The following PRKG2 variants were observed in gnomAD, a reference collection of about 807,000 sequenced individuals.
The protein encoded by PRKG2 is protein kinase cGMP-dependent 2.
PRKG2 carries 33 observed loss-of-function variants against 97.2 expected under a neutral mutation model. The observed-to-expected ratio is 0.34, with a 90% CI of 0.26 to 0.45. PRKG2 has a LOEUF of 0.45. PRKG2 is among the 20% of genes least tolerant of loss of function. The pLI, the probability that PRKG2 is intolerant of heterozygous loss-of-function variation, is 1.00. For synonymous variants in PRKG2, 330 were observed against 321.8 expected, an observed-to-expected ratio of 1.03 and a Z score of -0.27; for missense variants, 638 against 900.0, an observed-to-expected ratio of 0.71 and a Z score of 3.73.
rs1753536974 is a variant in PRKG2 at position 81,204,711 on chromosome 4, C to A, written c.337G>T (p.Val113Phe). The change falls in exon 2 of 19, where the codon GTC becomes TTC. Residue 113 changes from valine to phenylalanine, a missense_variant. Val to Phe is a conservative substitution (Grantham distance 50, BLOSUM62 -1). Coordinates refer to ENST00000264399, the MANE Select transcript of PRKG2 (RefSeq NM_006259.3). Reference sequence around the variant, plus strand: ...GCTCCCCTCCTGCTATGGAGAGAGACCAATCCAGAGGTCTTCCGGTGGACC... The same window carrying A: ...GCTCCCCTCCTGCTATGGAGAGAGAACAATCCAGAGGTCTTCCGGTGGACC... ...LEVHRKTSGL[V>F]SLHSRRGAKA... The A allele has an allele frequency of 6.2e-7, 1 of 1,614,050 alleles. No homozygotes were observed. Among genetic ancestry groups the A allele is most frequent in the South Asian group, 1.1e-5 (1 of 91,094 alleles).
intron 17 of PRKG2, among the ~76,000 whole-genome samples, chr4:81,093,558 CTG>C (rs1741815620): frequency 6.6e-6 from 1 of 152,162 alleles, no homozygotes; most frequent in African/African-American, 2.4e-5. Context: ...TTCCTTTTCT[CTG>C]TGCCCCAGCA....
chr4:81,146,681 G>A (rs932513566), intron 9 of PRKG2, among the ~76,000 whole-genome samples: 2 of 152,176 alleles, frequency 1.3e-5, no homozygotes, highest in African/African-American at 4.8e-5. Context: ...CAAGGACTAT[G>A]TCAAAGGCTG....
intron 6 of PRKG2, among the ~76,000 whole-genome samples, chr4:81,157,097 A>C (rs1749169772): frequency 6.6e-6 from 1 of 152,188 alleles, no homozygotes; most frequent in African/African-American, 2.4e-5. Context: ...AACTGAAGGA[A>C]ATAGAGATAC....
intron 15 of PRKG2, among the ~76,000 whole-genome samples, 183 bp downstream of exon 15, chr4:81,110,265 T>G (rs1743762324): frequency 6.6e-6 from 1 of 152,090 alleles, no homozygotes; most frequent in Non-Finnish European, 1.5e-5. Context: ...CCTGAATCTT[T>G]TCTTTATGTT....
chr4:81,149,937 A>G (rs571901715), intron 8 of PRKG2, among the ~76,000 whole-genome samples: 1 of 152,264 alleles, frequency 6.6e-6, no homozygotes, highest in South Asian at 2.1e-4. Context: ...CTATCTACCT[A>G]GCTCACATTC....
chr4:81,092,489 G>GAAGA, intron 17 of PRKG2, 37 bp from the exon 18 acceptor site: 1 of 994,912 alleles, frequency 1.0e-6, no homozygotes, highest in Non-Finnish European at 1.5e-6. Context: ...AGGAAGGAAG[G>GAAGA]AAGGAAGGAA....
chr4:81,165,159 A>C (rs899388380), intron 6 of PRKG2, among the ~76,000 whole-genome samples: 9 of 152,306 alleles, frequency 5.9e-5, no homozygotes, highest in African/African-American at 2.2e-4. Flanking sequence ...GAAGAGGCTT[A>C]AAGGCAATGG....
At chr4:81,193,028 G>A (rs993108864) in intron 2 of PRKG2, 2 of 153,000 alleles carry the variant, frequency 1.3e-5, no homozygotes, top group Non-Finnish European at 2.9e-5. Context: ...TCTCACTGTT[G>A]TTTTTTGTTT....
chr4:81,186,374 T>C (rs1413046275), intron 2 of PRKG2, among the ~76,000 whole-genome samples: 2 of 152,164 alleles, frequency 1.3e-5, no homozygotes, highest in Non-Finnish European at 2.9e-5. Context: ...GAATGACTAC[T>C]GGGTAAATAA....
chr4:81,091,444 G>A (rs574623360), intron 18 of PRKG2, among the ~76,000 whole-genome samples: 3 of 151,848 alleles, frequency 2.0e-5, no homozygotes, highest in Admixed American at 6.6e-5. Context: ...CACCATGCCC[G>A]GCTAATTTTT....
intron 17 of PRKG2, among the ~76,000 whole-genome samples, chr4:81,098,909 A>G (rs1742409023): frequency 6.6e-6 from 1 of 152,238 alleles, no homozygotes; most frequent in Non-Finnish European, 1.5e-5. Flanking sequence ...AATGGCCCTG[A>G]TAGACTTGCT....
intron 2 of PRKG2, among the ~76,000 whole-genome samples, chr4:81,204,353 A>G (rs1296006691): frequency 6.6e-6 from 1 of 152,212 alleles, no homozygotes; most frequent in African/African-American, 2.4e-5. Context: ...GGTAATAGAA[A>G]TAATTGTCAG....
intron 2 of PRKG2, among the ~76,000 whole-genome samples, chr4:81,184,108 G>C (rs541393958): frequency 1.2e-4 from 18 of 152,330 alleles, no homozygotes; most frequent in South Asian, 1.0e-3. Context: ...GCTCTGAAGA[G>C]AGCAGCGTAT....
At chr4:81,168,153 A>G (rs559900149) in intron 5 of PRKG2, among the ~76,000 whole-genome samples, 194 of 152,248 alleles carry the variant, frequency 1.3e-3, no homozygotes, top group Non-Finnish European at 1.1e-3. Flanking sequence ...ACAGGCTATC[A>G]TGAAAGTTTT....
At chr4:81,149,836 A>C (rs1277939524) in intron 8 of PRKG2, among the ~76,000 whole-genome samples, 3 of 152,092 alleles carry the variant, frequency 2.0e-5, no homozygotes, top group Admixed American at 6.6e-5. Context: ...TTCATCAAAA[A>C]TGTTATCGCA....
chr4:81,175,062 A>G (rs906362268), intron 2 of PRKG2, 103 bp from the exon 3 acceptor site: 3 of 1,147,030 alleles, frequency 2.6e-6, no homozygotes, highest in African/African-American at 1.6e-5. Context: ...CTACAAACTT[A>G]TAACTTTCTA....
chr4:81,214,545 G>A (rs1162930264), intron 1 of PRKG2, among the ~76,000 whole-genome samples: 2 of 152,020 alleles, frequency 1.3e-5, no homozygotes, highest in Admixed American at 6.6e-5. Context: ...ACTACCCAGA[G>A]CTCGACGAAG....
At chr4:81,101,192 T>G (rs1742719704) in intron 17 of PRKG2, among the ~76,000 whole-genome samples, 1 of 151,868 alleles carries the variant, frequency 6.6e-6, no homozygotes, top group South Asian at 2.1e-4. Flanking sequence ...GAAATACCAT[T>G]TGACCCAGCC....
intron 6 of PRKG2, among the ~76,000 whole-genome samples, chr4:81,160,913 G>C (rs1450493299): frequency 6.6e-6 from 1 of 152,084 alleles, no homozygotes; most frequent in Non-Finnish European, 1.5e-5. Flanking sequence ...GCTTTAATTT[G>C]ATCTTGTCTT....
Sources: gnomAD v4.1 joint callset for allele counts (sites outside exome capture counted in the v4.1 genomes callset) on GRCh38, gnomAD v4.1.1 for gene constraint, MANE v1.5 for transcripts, NCBI Gene and HGNC (gene_info 2026-07-23, HGNC 2026-07-21) for gene names.